The following SAMD4A variants were observed in gnomAD, a reference collection of about 807,000 sequenced individuals.
SAMD4A encodes the protein protein Smaug homolog 1.
In SAMD4A, 33 loss-of-function variants were observed where a neutral mutation model predicts 81.3. That is an observed-to-expected ratio of 0.41 (90% CI 0.31 to 0.54). The LOEUF is 0.54. Ranked by LOEUF, SAMD4A falls within the 20% of genes least tolerant of loss-of-function variation. SAMD4A has a pLI of 0.37. For missense variants in SAMD4A, 854 were observed against 951.1 expected (o/e 0.90, Z 1.34); for synonymous variants, 389 against 382.1 (o/e 1.02, Z -0.21).
chr14:54,649,234 C>T (rs1388401562), intron 2 of SAMD4A, among the ~76,000 whole-genome samples: 1 of 152,076 alleles, frequency 6.6e-6, no homozygotes, highest in Non-Finnish European at 1.5e-5. Flanking sequence ...TGAGTTGTGA[C>T]TTATTTTTAA....
intron 2 of SAMD4A, among the ~76,000 whole-genome samples, chr14:54,698,789 G>A (rs1264301334): frequency 4.6e-5 from 7 of 152,188 alleles, no homozygotes; most frequent in African/African-American, 1.4e-4. Flanking sequence ...CGGGGCCAGC[G>A]GCCTCTCGTT....
intron 2 of SAMD4A, among the ~76,000 whole-genome samples, chr14:54,618,007 A>G (rs59630936): frequency 0.13 from 20,456 of 152,174 alleles, 1,927 homozygotes; most frequent in African/African-American, 0.26. Context: ...TTAAGAAGCC[A>G]TTCTATTTAT....
intron 11 of SAMD4A, among the ~76,000 whole-genome samples, chr14:54,783,062 G>A (rs1025367630): frequency 1.3e-5 from 2 of 151,536 alleles, no homozygotes; most frequent in Non-Finnish European, 2.9e-5. Context: ...CGGTCACCTG[G>A]AACACACCCC....
At chr14:54,777,555 G>A (rs1277864862) in intron 11 of SAMD4A, among the ~76,000 whole-genome samples, 1 of 152,174 alleles carries the variant, frequency 6.6e-6, no homozygotes, top group Non-Finnish European at 1.5e-5. Context: ...CGTGGCCGAT[G>A]GTGGGGGACT....
rs182957601 is a variant in SAMD4A, at chr14:54,677,650, C to G, written c.197-24412C>G. Among the ~76,000 whole-genome samples the G allele has an allele frequency of 2.2e-4, 34 of 152,342 alleles. 1 individual carries two copies. In the East Asian group the frequency reaches 5.2e-3, roughly 23 times the overall value. On this transcript the variant is annotated intron_variant, in intron 2 of 12. Transcript: ENST00000554335. ...GTCTCCGAGGATCCTGCATAACTCT[C>G]ACCATAGATGTGGTGTTTGCTTGAT...
chr14:54,682,102 G>A, intron 2 of SAMD4A: 3 of 971,544 alleles, frequency 3.1e-6, no homozygotes, highest in Non-Finnish European at 3.7e-6. Context: ...CCGGATCCCT[G>A]TTCTTATCCC....
intron 2 of SAMD4A, among the ~76,000 whole-genome samples, chr14:54,624,532 A>G (rs1250997056): frequency 5.3e-5 from 8 of 152,198 alleles, no homozygotes; most frequent in Admixed American, 3.9e-4. Flanking sequence ...AGCAACAACC[A>G]ATTTAACTGA....
chr14:54,580,141 T>C (rs1172656309), intron 2 of SAMD4A, among the ~76,000 whole-genome samples: 1 of 152,210 alleles, frequency 6.6e-6, no homozygotes, highest in Non-Finnish European at 1.5e-5. Context: ...GGGCACCTGT[T>C]AGTAGGGGAA....
At chr14:54,706,137 C>G (rs2036845344) in intron 3 of SAMD4A, among the ~76,000 whole-genome samples, 1 of 151,660 alleles carries the variant, frequency 6.6e-6, no homozygotes, top group Non-Finnish European at 1.5e-5. Context: ...TGCTTGAGGC[C>G]AGAAATTCAA....
intron 9 of SAMD4A, among the ~76,000 whole-genome samples, chr14:54,774,413 G>A (rs1278115543): frequency 6.6e-6 from 1 of 152,180 alleles, no homozygotes; most frequent in Non-Finnish European, 1.5e-5. Flanking sequence ...CTGTCAAAAT[G>A]TGAGCAGAGG....
chr14:54,719,046 A>C (rs938905043), intron 3 of SAMD4A, among the ~76,000 whole-genome samples: 2 of 151,998 alleles, frequency 1.3e-5, no homozygotes, highest in African/African-American at 2.4e-5. Flanking sequence ...TTGGGAAAGA[A>C]GGGTTCAAAG....
Position 54,788,960 on chromosome 14 carries a change from G to A in SAMD4A, c.*16G>A. ...CACCATCTAGAAGCTGAAGACGAGAGTGACCGCGCTGGCCGTGAAATCGAC... is the reference window on the plus strand; with the variant it reads ...CACCATCTAGAAGCTGAAGACGAGAATGACCGCGCTGGCCGTGAAATCGAC... On this transcript the variant is annotated 3_prime_UTR_variant, in exon 13 of 13. Coordinates refer to ENST00000554335, the MANE Select transcript of SAMD4A (RefSeq NM_015589.6). 1 of 1,614,046 alleles carries A rather than the reference G, an allele frequency of 6.2e-7. No homozygotes were observed. Among genetic ancestry groups the A allele is most frequent in the Non-Finnish European group, 8.5e-7 (1 of 1,179,916 alleles).
At chr14:54,683,102 C>T (rs1447203259) in intron 2 of SAMD4A, among the ~76,000 whole-genome samples, 2 of 152,200 alleles carry the variant, frequency 1.3e-5, no homozygotes, top group African/African-American at 4.8e-5. Context: ...GCTTGGACTC[C>T]ATTATATACA....
chr14:54,691,603 A>G (rs1467836542), intron 2 of SAMD4A, among the ~76,000 whole-genome samples: 1 of 152,074 alleles, frequency 6.6e-6, no homozygotes, highest in Non-Finnish European at 1.5e-5. Context: ...TGATTGCATC[A>G]ATAGACCTAC....
At chr14:54,625,835 A>G (rs1289322598) in intron 2 of SAMD4A, among the ~76,000 whole-genome samples, 3 of 152,090 alleles carry the variant, frequency 2.0e-5, no homozygotes, top group Non-Finnish European at 4.4e-5. Flanking sequence ...TTTCTTCCCT[A>G]CTTCATTTCC....
intron 3 of SAMD4A, among the ~76,000 whole-genome samples, chr14:54,710,048 A>T (rs936694003): frequency 1.3e-5 from 2 of 152,132 alleles, no homozygotes; most frequent in African/African-American, 4.8e-5. Context: ...TAATTGCAAC[A>T]CTTGACTTTT....
intron 2 of SAMD4A, among the ~76,000 whole-genome samples, chr14:54,691,824 C>T (rs1337383365): frequency 6.6e-6 from 1 of 152,228 alleles, no homozygotes; most frequent in Non-Finnish European, 1.5e-5. Context: ...TGTCCTTGTA[C>T]AGTTAGCCAG....
intron 3 of SAMD4A, among the ~76,000 whole-genome samples, chr14:54,731,212 T>G (rs1384799060): frequency 6.6e-6 from 1 of 152,226 alleles, no homozygotes; most frequent in Non-Finnish European, 1.5e-5. Context: ...GCTGAGCTTT[T>G]TCTTCTTTAG....
chr14:54,673,777 G>A (rs777522268), intron 2 of SAMD4A, among the ~76,000 whole-genome samples: 4 of 152,306 alleles, frequency 2.6e-5, no homozygotes, highest in Non-Finnish European at 2.9e-5. Context: ...CACTTCTTCC[G>A]GTCATCTTAT....
Sources: allele counts gnomAD v4.1 joint callset (sites outside exome capture counted in the v4.1 genomes callset), GRCh38; gene constraint gnomAD v4.1.1; transcripts MANE v1.5; gene names NCBI Gene and HGNC (gene_info 2026-07-23, HGNC 2026-07-21).